The following ICA1 variants were observed in gnomAD, a reference collection of about 807,000 sequenced individuals.
ICA1 encodes the protein 69 kDa islet cell autoantigen.
In ICA1, 40 loss-of-function variants were observed where a neutral mutation model predicts 71.0. The ratio of observed to expected loss-of-function variants is 0.56; its 90% confidence interval spans 0.44 to 0.73. The LOEUF is 0.73. ICA1 is among the 30% of genes least tolerant of loss of function. ICA1 has a pLI of 0.00. For synonymous variants in ICA1, 207 were observed against 209.5 expected, an observed-to-expected ratio of 0.99 and a Z score of 0.10; for missense variants, 578 against 576.5, an observed-to-expected ratio of 1.00 and a Z score of -0.03.
At chr7:8,218,727 C>T (rs985765814) in intron 5 of ICA1, 32 of 560,358 alleles carry the variant, frequency 5.7e-5, no homozygotes, top group African/African-American at 5.7e-4. Flanking sequence ...CTGCTACTAA[C>T]TGGACCACTG....
chr7:8,114,126 C>A, intron 13 of ICA1, 82 bp from the exon 14 acceptor site: 1 of 1,454,972 alleles, frequency 6.9e-7, no homozygotes, highest in South Asian at 1.1e-5. Context: ...AGGTCCAGGT[C>A]ATCTTCAAAT....
intron 8 of ICA1, among the ~76,000 whole-genome samples, chr7:8,148,196 T>TCATA (rs1289088323): frequency 6.6e-6 from 1 of 152,146 alleles, no homozygotes; most frequent in East Asian, 1.9e-4. Flanking sequence ...AAGTATATAA[T>TCATA]CATACAGAAG....
At chr7:8,209,837 C>T (rs540165689) in intron 6 of ICA1, among the ~76,000 whole-genome samples, 1 of 152,078 alleles carries the variant, frequency 6.6e-6, no homozygotes, top group Non-Finnish European at 1.5e-5. Flanking sequence ...ACAGAGCCTG[C>T]AAAGGTCAGA....
At chr7:8,253,541 G>A (rs922315816) in intron 1 of ICA1, among the ~76,000 whole-genome samples, 1 of 151,980 alleles carries the variant, frequency 6.6e-6, no homozygotes, top group Non-Finnish European at 1.5e-5. Flanking sequence ...AATGGGTTTG[G>A]ACTGCATAGG....
At chr7:8,174,975 G>C (rs115852757) in intron 6 of ICA1, among the ~76,000 whole-genome samples, 7 of 152,150 alleles carry the variant, frequency 4.6e-5, no homozygotes, top group Non-Finnish European at 8.8e-5. Context: ...CTAAGAGAAA[G>C]AGAGGAATGG....
chr7:8,253,362 G>A (rs188845760), intron 1 of ICA1, among the ~76,000 whole-genome samples: 51 of 152,274 alleles, frequency 3.3e-4, no homozygotes, highest in Admixed American at 5.2e-4. Flanking sequence ...TACTATTTGT[G>A]TCAAATTAGA....
intron 13 of ICA1, 105 bp downstream of exon 13, chr7:8,127,768 A>C: frequency 7.9e-7 from 1 of 1,258,704 alleles, no homozygotes; most frequent in Non-Finnish European, 1.1e-6. Context: ...CAATAAAAAT[A>C]GAGAAAACAT....
chr7:8,141,361 T>C (rs1162324302), intron 10 of ICA1, among the ~76,000 whole-genome samples: 2 of 152,172 alleles, frequency 1.3e-5, no homozygotes, highest in Non-Finnish European at 2.9e-5. Flanking sequence ...TTGACAAACA[T>C]CCACCCGCCC....
At chr7:8,146,718 CGTGTGTGCGTGTGTGTGCGTGTGCGTGT>C (rs762767608) in intron 8 of ICA1, among the ~76,000 whole-genome samples, 1 of 145,070 alleles carries the variant, frequency 6.9e-6, no homozygotes, top group Non-Finnish European at 1.5e-5. Flanking sequence ...AAGTCAGGCA[CGTGTGTGCGTGTGTGTGCGTGTGCGTGT>C]GTGTGTGTGT....
intron 13 of ICA1, among the ~76,000 whole-genome samples, chr7:8,122,746 T>C (rs1315423323): frequency 6.6e-6 from 1 of 152,176 alleles, no homozygotes; most frequent in East Asian, 1.9e-4. Context: ...TGGAAATCCA[T>C]CTAAATGGCA....
chr7:8,174,617 A>G (rs1779907947), intron 6 of ICA1, among the ~76,000 whole-genome samples: 1 of 151,842 alleles, frequency 6.6e-6, no homozygotes, highest in Admixed American at 6.6e-5. Flanking sequence ...AACGTGGCAA[A>G]ACCGGGTTTC....
At chr7:8,194,290 G>C (rs554376335) in intron 6 of ICA1, among the ~76,000 whole-genome samples, 2 of 152,224 alleles carry the variant, frequency 1.3e-5, no homozygotes, top group Admixed American at 6.5e-5. Flanking sequence ...GAGACCAAAT[G>C]TAATAAATGT....
rs1326365503 is a variant in ICA1, at chr7:8,157,162, T to G, written c.758A>C (p.His253Pro). The G allele has an allele frequency of 6.2e-7, 1 of 1,613,272 alleles. No homozygotes were observed. Among genetic ancestry groups the G allele is most frequent in the Non-Finnish European group, 8.5e-7 (1 of 1,179,864 alleles). Residue 253 changes from histidine (H) to proline (P), a missense_variant, in exon 8 of 14, where the codon CAT (histidine) becomes CCT (proline). Physicochemically the swap from His to Pro is moderately conservative, Grantham distance 77. Transcript: ENST00000402384. Reference sequence around the variant, plus strand: ...TGGTTGATAACCTTTGAAACTCTCATGGATGGCTGCCATAGTGTGAGAAGT... The same window carrying G: ...TGGTTGATAACCTTTGAAACTCTCAGGGATGGCTGCCATAGTGTGAGAAGT... Reference protein sequence around the residue: ...EKTSHTMAAIHESFKGYQPYE... With the variant: ...EKTSHTMAAIPESFKGYQPYE...
At chr7:8,217,725 AC>A (rs1795841235) in intron 6 of ICA1, among the ~76,000 whole-genome samples, 1 of 152,174 alleles carries the variant, frequency 6.6e-6, no homozygotes, top group Non-Finnish European at 1.5e-5. Context: ...CAATTAAAAA[AC>A]CAACAAGATT....
In ICA1 at chr7:8,192,321, A is replaced by G. The variant is rs115849092; in HGVS notation, c.579+25984T>C. 7.4e-3 allele frequency among the ~76,000 whole-genome samples: 1,128 copies of G among 152,248 alleles called. 14 individuals are homozygous for G. Among genetic ancestry groups the G allele is most frequent in the African/African-American group, 0.026 (1,071 of 41,544 alleles). Reference sequence around the variant, plus strand: ...TGTCTTTTTTCAGGGCAGGTATTTTAGAGAGTGTTCCACATTTTGGGTTGT... The same window carrying G: ...TGTCTTTTTTCAGGGCAGGTATTTTGGAGAGTGTTCCACATTTTGGGTTGT... On this transcript the variant is annotated intron_variant, in intron 6 of 13. Coordinates refer to ENST00000402384, the MANE Select transcript of ICA1 (RefSeq NM_001136020.3).
At chr7:8,199,197 C>T (rs945191222) in intron 6 of ICA1, among the ~76,000 whole-genome samples, 13 of 152,284 alleles carry the variant, frequency 8.5e-5, no homozygotes, top group African/African-American at 2.9e-4. Flanking sequence ...AGTAGAGCTA[C>T]CATATGATCC....
At chr7:8,205,802 T>C (rs1375626672) in intron 6 of ICA1, among the ~76,000 whole-genome samples, 2 of 151,428 alleles carry the variant, frequency 1.3e-5, no homozygotes, top group African/African-American at 2.4e-5. Context: ...AAAGACTGTG[T>C]CTCAGCACAT....
Position 8,158,586 on chromosome 7 carries a change from C to T in ICA1, c.646G>A (p.Val216Met), listed in dbSNP as rs1483965836. Residue 216 changes from valine to methionine, a missense_variant, in exon 7 of 14, where the codon GTG becomes ATG. Transcript: ENST00000402384. ...DKLKMDVCQKVDLLGASRCNL... is the reference protein window; with the variant it reads ...DKLKMDVCQKMDLLGASRCNL... ...CATCTGCTCGCTCCAAGAAGATCCA[C>T]TTTTTGACAAACATCCATCTTCAAT... The T allele has an allele frequency of 6.2e-7, 1 of 1,614,016 alleles. No homozygotes were observed. Among genetic ancestry groups the T allele is most frequent in the Non-Finnish European group, 8.5e-7 (1 of 1,180,016 alleles).
chr7:8,227,695 C>T, intron 4 of ICA1: 1 of 419,572 alleles, frequency 2.4e-6, no homozygotes, highest in Non-Finnish European at 4.7e-6. Flanking sequence ...GATCCTCCTG[C>T]CTCAGCCTCC....
Sources: allele counts gnomAD v4.1 joint callset (sites outside exome capture counted in the v4.1 genomes callset), GRCh38; gene constraint gnomAD v4.1.1; transcripts MANE v1.5; gene names NCBI Gene and HGNC (gene_info 2026-07-23, HGNC 2026-07-21).